The following BIRC6 variants were observed in gnomAD, a reference collection of about 807,000 sequenced individuals.
BIRC6 encodes dual E2 ubiquitin-conjugating enzyme/E3 ubiquitin-protein ligase BIRC6.
BIRC6 carries 98 observed loss-of-function variants against 503.3 expected under a neutral mutation model. The ratio of observed to expected loss-of-function variants is 0.19; its 90% CI spans 0.17 to 0.23. The LOEUF is 0.23. Among genes scored for constraint, BIRC6 ranks in the 10% least tolerant of loss-of-function variants. The probability of loss-of-function intolerance (pLI) is 1.00; values close to 1 mark genes in which losing one functional copy is unlikely to be tolerated. For synonymous variants in BIRC6, 2,240 were observed against 2,078.7 expected (o/e 1.08, Z -2.11); for missense variants, 5,360 against 5,806.0 (o/e 0.92, Z 2.50).
intron 6 of BIRC6, among the ~76,000 whole-genome samples, chr2:32,397,714 A>G (rs2040126141): frequency 6.6e-6 from 1 of 151,000 alleles, no homozygotes; most frequent in Non-Finnish European, 1.5e-5. Flanking sequence ...ACACACACAC[A>G]TATATACACC....
intron 6 of BIRC6, among the ~76,000 whole-genome samples, chr2:32,396,575 A>C (rs983215585): frequency 1.3e-5 from 2 of 152,222 alleles, no homozygotes; most frequent in African/African-American, 4.8e-5. Context: ...CAGGGCATGC[A>C]TTCCAGGACC....
chr2:32,362,426 C>T (rs2034254892), intron 1 of BIRC6, among the ~76,000 whole-genome samples: 1 of 151,720 alleles, frequency 6.6e-6, no homozygotes, highest in African/African-American at 2.4e-5. Flanking sequence ...CACCATTTTC[C>T]TCCCTCAGCC....
intron 22 of BIRC6, among the ~76,000 whole-genome samples, chr2:32,450,735 A>T (rs1413663141): frequency 6.6e-6 from 1 of 152,156 alleles, no homozygotes; most frequent in African/African-American, 2.4e-5. Context: ...AAATCTGTAG[A>T]TACTCAAGTC....
At chr2:32,521,619 C>T (rs933811229) in intron 57 of BIRC6, among the ~76,000 whole-genome samples, 1 of 148,884 alleles carries the variant, frequency 6.7e-6, no homozygotes, top group African/African-American at 2.5e-5. Flanking sequence ...TAGGCACGCG[C>T]CACCACACTC....
intron 37 of BIRC6, 121 bp from the exon 38 acceptor site, chr2:32,481,199 G>GTTT (rs533082288): frequency 7.5e-4 from 518 of 690,384 alleles, no homozygotes; most frequent in Non-Finnish European, 9.4e-4. Flanking sequence ...CATACATAGA[G>GTTT]TTTTTTTTTT....
At chr2:32,617,656 G>C (rs942194106) in intron 73 of BIRC6, 69 bp from the exon 74 acceptor site, 1 of 1,471,246 alleles carries the variant, frequency 6.8e-7, no homozygotes, top group African/African-American at 1.4e-5. Context: ...TTGAAATTCA[G>C]TTCCTGCCTC....
At chr2:32,596,091 T>A (rs2061654501) in intron 68 of BIRC6, among the ~76,000 whole-genome samples, 1 of 152,182 alleles carries the variant, frequency 6.6e-6, no homozygotes, top group Non-Finnish European at 1.5e-5. Flanking sequence ...TTTATATGAA[T>A]TTAATTAGCA....
At chr2:32,611,661 T>A in intron 73 of BIRC6, 79 bp downstream of exon 73, 1 of 1,301,314 alleles carries the variant, frequency 7.7e-7, no homozygotes, top group Non-Finnish European at 1.0e-6. Context: ...TACCAGAAGA[T>A]AATGGGAGGG....
At chr2:32,548,507 C>T (rs1187845167) in intron 64 of BIRC6, among the ~76,000 whole-genome samples, 11 of 151,542 alleles carry the variant, frequency 7.3e-5, no homozygotes, top group African/African-American at 2.7e-4. Flanking sequence ...TTCAGCCGGG[C>T]GTGGTGGCTC....
At chr2:32,486,970 C>A (rs926365449) in intron 40 of BIRC6, among the ~76,000 whole-genome samples, 1 of 151,384 alleles carries the variant, frequency 6.6e-6, no homozygotes, top group Admixed American at 6.6e-5. Context: ...TATTTAAAAG[C>A]ACTTATTAGA....
chr2:32,463,345 A>G lies in BIRC6; in HGVS notation c.4905A>G (p.Gln1635=). ...CCGAGCAACAGCTACAGGTGCTGCA[A>G]GAGAAACAGCAGCAGCTTTTGAAGC... ...ASAEQQLQVL[Q]EKQQQLLKLQ... is the part of the protein sequence containing the mutation. The change falls in exon 24 of 74, where the codon CAA becomes CAG. Residue 1635 remains glutamine (Q), a synonymous_variant. Coordinates refer to ENST00000421745, the MANE Select transcript of BIRC6 (RefSeq NM_016252.4). The G allele has an allele frequency of 6.2e-7, 1 of 1,613,180 alleles. No homozygotes were observed. Among genetic ancestry groups the G allele is most frequent in the Non-Finnish European group, 8.5e-7 (1 of 1,179,608 alleles).
chr2:32,370,442 G>A (rs548138484), intron 1 of BIRC6, among the ~76,000 whole-genome samples: 259 of 152,142 alleles, frequency 1.7e-3, no homozygotes, highest in African/African-American at 6.0e-3. Flanking sequence ...TGGTTCTCTT[G>A]CCTGAAACAA....
chr2:32,361,650 A>G (rs1021626426), intron 1 of BIRC6, among the ~76,000 whole-genome samples: 11 of 152,170 alleles, frequency 7.2e-5, no homozygotes, highest in African/African-American at 1.4e-4. Context: ...TCACTACCCT[A>G]AAGATCCCCT....
chr2:32,534,755 A>T (rs1366535350), intron 61 of BIRC6, among the ~76,000 whole-genome samples: 5 of 150,608 alleles, frequency 3.3e-5, no homozygotes, highest in Non-Finnish European at 5.9e-5. Context: ...AAAAAAAAAA[A>T]AAAATGGTTC....
chr2:32,499,069 A>C (rs1370534229), intron 45 of BIRC6, among the ~76,000 whole-genome samples: 1 of 152,222 alleles, frequency 6.6e-6, no homozygotes, highest in Admixed American at 6.5e-5. Context: ...ACTTTTCAGC[A>C]TTCTATATCT....
chr2:32,572,342 T>C (rs1440582420), intron 65 of BIRC6, among the ~76,000 whole-genome samples: 1 of 152,262 alleles, frequency 6.6e-6, no homozygotes, highest in East Asian at 1.9e-4. Flanking sequence ...ACTATTATTG[T>C]ATTACTGTGA....
chr2:32,554,155 CTT>C (rs35112080), intron 65 of BIRC6, among the ~76,000 whole-genome samples: 1 of 152,052 alleles, frequency 6.6e-6, no homozygotes, highest in Non-Finnish European at 1.5e-5. Context: ...TAGTATGTTC[CTT>C]TTTTGAGAAG....
intron 57 of BIRC6, among the ~76,000 whole-genome samples, chr2:32,520,392 AAAAAT>A (rs1290724684): frequency 4.6e-5 from 7 of 152,368 alleles, no homozygotes; most frequent in African/African-American, 1.7e-4. Context: ...AAATATTAAA[AAAAAT>A]TTATTTGAAA....
chr2:32,431,375 AGGTAGAGATGG>A (rs1320981824), intron 12 of BIRC6, among the ~76,000 whole-genome samples: 1 of 150,776 alleles, frequency 6.6e-6, no homozygotes, highest in Non-Finnish European at 1.5e-5. Context: ...TTTGTATTTT[AGGTAGAGATGG>A]GGTTTCACTC....
Sources: allele counts gnomAD v4.1 joint callset (sites outside exome capture counted in the v4.1 genomes callset), GRCh38; gene constraint gnomAD v4.1.1; transcripts MANE v1.5; gene names NCBI Gene and HGNC (gene_info 2026-07-23, HGNC 2026-07-21).